The following HOATZ variants were observed in gnomAD, a reference collection of about 807,000 sequenced individuals.
The protein encoded by HOATZ is cilia- and flagella-associated protein HOATZ.
A neutral mutation model predicts 24.9 loss-of-function variants in HOATZ; 26 were observed. The observed-to-expected ratio is 1.04, with a 90% CI of 0.76 to 1.45. HOATZ has a LOEUF of 1.45. Ranked by LOEUF, HOATZ falls within the 40% of genes most tolerant of loss-of-function variation. The probability of loss-of-function intolerance (pLI) is 0.00; values close to 1 mark genes in which losing one functional copy is unlikely to be tolerated. For synonymous variants in HOATZ, 83 were observed against 76.6 expected (o/e 1.08, Z -0.43); for missense variants, 226 against 201.5 (o/e 1.12, Z -0.74).
intron 5 of HOATZ, chr11:111,536,399 A>C (rs1867450866): frequency 5.7e-6 from 1 of 174,866 alleles, no homozygotes; most frequent in Non-Finnish European, 1.2e-5. Context: ...AAATGTGTTC[A>C]TAGTAAGGTT....
Position 111,536,677 on chromosome 11 carries a change from T to A in HOATZ, c.453-93T>A, listed in dbSNP as rs1170177502. On this transcript the variant is annotated intron_variant, in intron 5 of 5. Coordinates refer to ENST00000375618, the MANE Select transcript of HOATZ (RefSeq NM_001100388.2). ...TAGAATCTACAACAGTGAATTTTTATTGGGAGAATTTTCAAAAGTTGTTTT... is the reference window on the plus strand; with the variant it reads ...TAGAATCTACAACAGTGAATTTTTAATGGGAGAATTTTCAAAAGTTGTTTT... The A allele has an allele frequency of 1.3e-5, 13 of 990,552 alleles. 1 individual carries two copies. The highest frequency in any genetic ancestry group is 1.9e-5 in the Non-Finnish European group (12 of 620,556). The allele number at this position is 990,552 out of a possible 1,614,324, so 61.4% of individuals were successfully genotyped here.
rs1867191698 is a variant in HOATZ, at chr11:111,515,969, A to G, written c.269-71A>G. ...TGTATTCCCTTTCAACCCATGTCCA[A>G]TTTTATATCAATTTTAGTATAAAAT... On this transcript the variant is annotated intron_variant, in intron 2 of 5. Transcript: ENST00000375618. 3.7e-6 allele frequency: 4 copies of G among 1,075,754 alleles called. No homozygotes were observed. In the Admixed American group the frequency reaches 6.4e-5, roughly 17 times the overall value. 66.6% of individuals were successfully genotyped at this position (1,075,754 alleles called of 1,614,324 possible).
chr11:111,520,813 A>C lies in HOATZ; in HGVS notation c.339+4703A>C, dbSNP rs145806532. Among the ~76,000 whole-genome samples the C allele has an allele frequency of 6.5e-3, 986 of 152,344 alleles. 9 individuals carry two copies. Among genetic ancestry groups the C allele is most frequent in the African/African-American group, 0.022 (915 of 41,578 alleles). ...AGTGGATCCATGCTGTAGACACTAC[A>C]TGCCTGTTAGTGACTTAGTAGCCGA... On this transcript the variant is annotated intron_variant, in intron 3 of 5. Coordinates refer to ENST00000375618, the MANE Select transcript of HOATZ (RefSeq NM_001100388.2).
rs781338852 is a variant in HOATZ at position 111,533,772 on chromosome 11, A to T, written c.366A>T (p.Gln122His). Reference protein sequence around the residue: ...QKAKTREEILQLLRKQREERI... With the variant: ...QKAKTREEILHLLRKQREERI... Reference sequence around the variant, plus strand: ...CTAAAACAAGAGAAGAGATTCTCCAACTCTTAAGAAAACAAAGAGAAGAAA... The same window carrying T: ...CTAAAACAAGAGAAGAGATTCTCCATCTCTTAAGAAAACAAAGAGAAGAAA... The change falls in exon 4 of 6, where the codon CAA (glutamine) becomes CAT (histidine). Residue 122 changes from glutamine to histidine, a missense_variant. Physicochemically the swap from Gln to His is conservative, Grantham distance 24. Coordinates refer to ENST00000375618, the MANE Select transcript of HOATZ (RefSeq NM_001100388.2). 1.3e-6 allele frequency: 2 copies of T among 1,576,250 alleles called. No homozygotes were observed. The highest frequency in any genetic ancestry group is 4.0e-5 in the Admixed American group (2 of 50,146).
rs918783821 is a variant in HOATZ at position 111,515,177 on chromosome 11, C to T, written c.226+167C>T. ...TGAACCCTTCCAGCAACCCTTCCACCCGAAAAGGATCAGTGGTATATATGT... is the reference window on the plus strand; with the variant it reads ...TGAACCCTTCCAGCAACCCTTCCACTCGAAAAGGATCAGTGGTATATATGT... On this transcript the variant is annotated intron_variant, in intron 1 of 5. Transcript: ENST00000375618. The T allele has an allele frequency of 4.9e-6, 3 of 615,670 alleles. No individual in the cohort carries two copies. The Admixed American group carries it at 8.7e-5, about 18-fold the overall frequency. The allele number at this position is 615,670 out of a possible 1,614,324, so 38.1% of individuals were successfully genotyped here. A position where few individuals can be genotyped will look rare whatever the true frequency, so the allele number is the denominator to read the frequency against.
At chr11:111,532,582 C>A (rs1867404819) in intron 3 of HOATZ, among the ~76,000 whole-genome samples, 1 of 152,160 alleles carries the variant, frequency 6.6e-6, no homozygotes, top group Non-Finnish European at 1.5e-5. Flanking sequence ...TAGAAAGAAG[C>A]AAAGAAACCC....
intron 3 of HOATZ, among the ~76,000 whole-genome samples, chr11:111,527,208 T>C (rs1591557092): frequency 6.6e-6 from 1 of 152,252 alleles, no homozygotes; most frequent in Admixed American, 6.5e-5. Context: ...GTAAAATATA[T>C]GTAACAGATC....
At position 111,516,050 on chromosome 11, in the gene HOATZ, C is replaced by T. The variant is rs61751529; in HGVS notation, c.279C>T (p.Asp93=). ...SFHLASNKNR[D]IFAEALKIQE... ...CTTTATTCCCTCTAGAAAATAGAGA[C>T]ATCTTTGCCGAAGCCCTAAAGATAC... The change falls in exon 3 of 6, where the codon GAC becomes GAT. Residue 93 remains aspartate, a synonymous_variant. Coordinates refer to ENST00000375618, the MANE Select transcript of HOATZ (RefSeq NM_001100388.2). 5.9e-3 allele frequency: 9,379 copies of T among 1,584,230 alleles called. 42 individuals are homozygous for T. Among genetic ancestry groups the T allele is most frequent in the Non-Finnish European group, 7.1e-3 (8,197 of 1,160,758 alleles).
Position 111,534,444 on chromosome 11 carries a change from A to G in HOATZ, c.432A>G (p.Lys144=). The change falls in exon 5 of 6, where the codon AAA becomes AAG. Residue 144 remains lysine, a synonymous_variant. Transcript: ENST00000375618. ...KELISLPYKP[K]AKEHKAKKVV... is the part of the protein sequence containing the mutation. Reference sequence around the variant, plus strand: ...TGATTTCCCTTCCGTATAAACCAAAAGCCAAAGAACACAAAGCAAAGTAAG... The same window carrying G: ...TGATTTCCCTTCCGTATAAACCAAAGGCCAAAGAACACAAAGCAAAGTAAG... 6.2e-7 allele frequency: 1 copy of G among 1,612,160 alleles called. No individual in the cohort carries two copies. The highest frequency in any genetic ancestry group is 8.5e-7 in the Non-Finnish European group (1 of 1,178,210).
chr11:111,519,352 G>T (rs962185899), intron 3 of HOATZ, among the ~76,000 whole-genome samples: 6 of 152,062 alleles, frequency 3.9e-5, no homozygotes, highest in African/African-American at 1.2e-4. Flanking sequence ...AAGAGTAAAT[G>T]AAGGCCCTAT....
intron 3 of HOATZ, among the ~76,000 whole-genome samples, chr11:111,516,488 C>T (rs972840674): frequency 6.6e-6 from 1 of 151,978 alleles, no homozygotes; most frequent in Non-Finnish European, 1.5e-5. Context: ...GCAGGAGGAT[C>T]CCTTGAGGCC....
At chr11:111,520,006 G>C (rs923563214) in intron 3 of HOATZ, among the ~76,000 whole-genome samples, 1 of 152,124 alleles carries the variant, frequency 6.6e-6, no homozygotes, top group African/African-American at 2.4e-5. Flanking sequence ...TGATCAAAAT[G>C]CTGTTAATCA....
At chr11:111,536,740 A>T (rs1867454678) in intron 5 of HOATZ, 30 bp from the exon 6 acceptor site, 1 of 1,569,900 alleles carries the variant, frequency 6.4e-7, no homozygotes, top group African/African-American at 1.3e-5. Flanking sequence ...AGTTCTGTGT[A>T]TTGGAACTGA....
Position 111,536,638 on chromosome 11 carries a change from C to T in HOATZ, c.453-132C>T, listed in dbSNP as rs942304204. ...TCACATACAAGTTTATACTTGGTTG[C>T]AAAACCCAACACATAGAATCTACAA... On this transcript the variant is annotated intron_variant, in intron 5 of 5. Coordinates refer to ENST00000375618, the MANE Select transcript of HOATZ (RefSeq NM_001100388.2). 3.8e-5 allele frequency: 27 copies of T among 709,462 alleles called. No homozygotes were observed. In the Middle Eastern group the frequency reaches 7.6e-4, roughly 20 times the overall value. The allele number at this position is 709,462 out of a possible 1,614,324, so 43.9% of individuals were successfully genotyped here.
At chr11:111,522,207 A>C (rs911309916) in intron 3 of HOATZ, among the ~76,000 whole-genome samples, 1 of 152,236 alleles carries the variant, frequency 6.6e-6, no homozygotes. Context: ...TCTGCTTATA[A>C]AACATAATTA....
intron 3 of HOATZ, among the ~76,000 whole-genome samples, chr11:111,528,093 G>A (rs548581074): frequency 6.6e-6 from 1 of 152,262 alleles, no homozygotes; most frequent in East Asian, 1.9e-4. Context: ...TGACCAAAGT[G>A]GGAGACTGGC....
chr11:111,529,909 CCTT>C (rs760288620), intron 3 of HOATZ, among the ~76,000 whole-genome samples: 2 of 152,108 alleles, frequency 1.3e-5, no homozygotes, highest in Non-Finnish European at 2.9e-5. Context: ...TAACATCTCT[CCTT>C]GTTTCTCCTT....
intron 2 of HOATZ, 54 bp from the exon 3 acceptor site, chr11:111,515,986 G>T: frequency 8.5e-7 from 1 of 1,171,520 alleles, no homozygotes; most frequent in Non-Finnish European, 1.2e-6. Flanking sequence ...ATCAATTTTA[G>T]TATAAAATCA....
chr11:111,532,469 G>T (rs760996970), intron 3 of HOATZ, among the ~76,000 whole-genome samples: 3 of 152,170 alleles, frequency 2.0e-5, no homozygotes, highest in African/African-American at 4.8e-5. Context: ...CAATTGCCAC[G>T]TGAAGACAGA....
Sources: gnomAD v4.1 joint callset for allele counts (sites outside exome capture counted in the v4.1 genomes callset) on GRCh38, gnomAD v4.1.1 for gene constraint, MANE v1.5 for transcripts, NCBI Gene and HGNC (gene_info 2026-07-23, HGNC 2026-07-21) for gene names.